MET: variants seen among roughly 807,000 people sequenced by gnomAD.
The protein encoded by MET is MET proto-oncogene, receptor tyrosine kinase.
In MET, 48 loss-of-function variants were observed where a neutral mutation model predicts 133.1. That is an observed-to-expected ratio of 0.36 (90% CI 0.29 to 0.46). MET has a LOEUF of 0.46. MET is among the 20% of genes least tolerant of loss of function. MET has a pLI of 1.00. For missense variants in MET, 1,442 were observed against 1,695.9 expected (o/e 0.85, Z 2.63); for synonymous variants, 628 against 616.5 (o/e 1.02, Z -0.28).
intron 1 of MET, among the ~76,000 whole-genome samples, chr7:116,685,272 T>C (rs38847): frequency 0.97 from 147,087 of 152,296 alleles, 71,067 homozygotes; most frequent in East Asian, 1. Context: ...CTTTTCATGA[T>C]GTCTACATGC....
At chr7:116,741,100 T>A (rs553431706) in intron 5 of MET, 75 bp downstream of exon 5, 2 of 1,545,084 alleles carry the variant, frequency 1.3e-6, no homozygotes, top group South Asian at 2.4e-5. Context: ...GTTTGGTTTG[T>A]TTTTTGTTTT....
chr7:116,779,436 G>A (rs529724400), intron 17 of MET, among the ~76,000 whole-genome samples: 2 of 152,262 alleles, frequency 1.3e-5, no homozygotes, highest in South Asian at 2.1e-4. Flanking sequence ...AAATAGCCAC[G>A]TATCTCACTT....
At chr7:116,750,549 A>G (rs1793876716) in intron 5 of MET, among the ~76,000 whole-genome samples, 1 of 152,246 alleles carries the variant, frequency 6.6e-6, no homozygotes, top group Non-Finnish European at 1.5e-5. Flanking sequence ...TAAAACACCA[A>G]AAGCAATGGC....
chr7:116,740,395 G>A (rs1028208514), intron 4 of MET, among the ~76,000 whole-genome samples: 8 of 152,104 alleles, frequency 5.3e-5, no homozygotes, highest in Admixed American at 5.2e-4. Flanking sequence ...GATAAATCCT[G>A]GAAATGTACA....
chr7:116,720,961 T>C (rs1445653912), intron 2 of MET, among the ~76,000 whole-genome samples: 2 of 150,982 alleles, frequency 1.3e-5, no homozygotes, highest in East Asian at 3.9e-4. Flanking sequence ...TTTGGTTGTG[T>C]CTCTGCCCAG....
chr7:116,740,256 C>G (rs1409336181), intron 4 of MET, 172 bp downstream of exon 4: 1 of 795,022 alleles, frequency 1.3e-6, no homozygotes, highest in Non-Finnish European at 2.1e-6. Flanking sequence ...TTAATTTGTT[C>G]TCCAAGAAAG....
At chr7:116,752,924 A>G (rs1562918213) in intron 5 of MET, among the ~76,000 whole-genome samples, 1 of 152,172 alleles carries the variant, frequency 6.6e-6, no homozygotes, top group Non-Finnish European at 1.5e-5. Flanking sequence ...CTCAGGCTGA[A>G]GAGAGTCCTG....
chr7:116,689,559 CTTTTTTTTTTT>C (rs534819031), intron 1 of MET, among the ~76,000 whole-genome samples: 2 of 94,812 alleles, frequency 2.1e-5, no homozygotes, highest in Non-Finnish European at 2.0e-5. Flanking sequence ...TGGGCTTACT[CTTTTTTTTTTT>C]TTTTTTTTTT....
chr7:116,700,290 T>A lies in MET; in HGVS notation c.1200+6T>A. 1 of 1,600,484 alleles carries A rather than the reference T, an allele frequency of 6.2e-7. No homozygotes were observed. The highest frequency in any genetic ancestry group is 8.5e-7 in the Non-Finnish European group (1 of 1,178,614). ...ATGAGCACTGCTTTAATAGGGTAAG[T>A]CACATCAGTTCCCCACTTATAAACT... is the stretch of plus-strand genomic sequence containing the variant. On this transcript the variant is annotated splice_donor_region_variant and intron_variant, in intron 2 of 20. Transcript: ENST00000397752.
chr7:116,701,296 C>T (rs1791567348), intron 2 of MET, among the ~76,000 whole-genome samples: 1 of 152,110 alleles, frequency 6.6e-6, no homozygotes, highest in Admixed American at 6.6e-5. Context: ...TTGACTTTGG[C>T]ATGGTATGTT....
intron 4 of MET, among the ~76,000 whole-genome samples, 193 bp from the exon 5 acceptor site, chr7:116,740,659 A>G (rs1562909309): frequency 6.6e-6 from 1 of 152,226 alleles, no homozygotes; most frequent in East Asian, 1.9e-4. Flanking sequence ...CATACCTGCT[A>G]ACAATAAAGG....
In MET at chr7:116,675,791, T is replaced by A. The variant is rs182796812; in HGVS notation, c.-15+3214T>A. ...TAATTTCTTTTCTTTTCTTTTTTTC[T>A]TTTCTTTGTAGTGAGACATACCGAG... is the stretch of plus-strand genomic sequence containing the variant. On this transcript the variant is annotated intron_variant, in intron 1 of 20. Coordinates refer to ENST00000397752, the MANE Select transcript of MET (RefSeq NM_000245.4). Among the ~76,000 whole-genome samples the A allele has an allele frequency of 3.4e-3, 519 of 152,174 alleles. 2 individuals are homozygous for A. The highest frequency in any genetic ancestry group is 0.012 in the African/African-American group (495 of 41,502).
intron 2 of MET, among the ~76,000 whole-genome samples, chr7:116,716,860 G>A (rs1352560909): frequency 6.6e-6 from 1 of 152,212 alleles, no homozygotes; most frequent in East Asian, 1.9e-4. Flanking sequence ...CCGGATGCCT[G>A]CTTATGCTGT....
At chr7:116,744,706 C>G (rs1441608528) in intron 5 of MET, among the ~76,000 whole-genome samples, 2 of 152,134 alleles carry the variant, frequency 1.3e-5, no homozygotes, top group African/African-American at 2.4e-5. Context: ...AAAGATACTC[C>G]TCTAGAAGAG....
intron 2 of MET, among the ~76,000 whole-genome samples, chr7:116,703,876 G>A (rs1791673041): frequency 6.6e-6 from 1 of 152,102 alleles, no homozygotes; most frequent in Non-Finnish European, 1.5e-5. Context: ...AATTAGAAAA[G>A]CATTCTTGAA....
At chr7:116,724,983 C>A in intron 2 of MET, 1 of 660,172 alleles carries the variant, frequency 1.5e-6, no homozygotes, top group Non-Finnish European at 2.2e-6. Context: ...GGTCATGCAA[C>A]TCATCAATGC....
intron 1 of MET, among the ~76,000 whole-genome samples, chr7:116,692,815 A>C (rs1796819996): frequency 6.6e-6 from 1 of 152,238 alleles, no homozygotes; most frequent in Non-Finnish European, 1.5e-5. Flanking sequence ...TGGATGATTC[A>C]CTTTCACCTG....
At position 116,783,454 on chromosome 7, in the gene MET, C is replaced by T. The variant is rs1795213981; in HGVS notation, c.3783C>T (p.Thr1261=). Residue 1261 remains threonine, a synonymous_variant, in exon 19 of 21, where the codon ACC becomes ACT. Transcript: ENST00000397752. ...ALESLQTQKF[T]TKSDVWSFGV... The stretch of plus-strand genomic sequence containing the variant: ...AAAGTCTGCAAACTCAAAAGTTTAC[C>T]ACCAAGTCAGATGTGGTAATGTATT... 6.2e-7 allele frequency: 1 copy of T among 1,613,996 alleles called. No individual in the cohort carries two copies. Among genetic ancestry groups the T allele is most frequent in the African/African-American group, 1.3e-5 (1 of 74,920 alleles).
chr7:116,685,199 C>T (rs1796505586), intron 1 of MET, among the ~76,000 whole-genome samples: 1 of 152,230 alleles, frequency 6.6e-6, no homozygotes, highest in Non-Finnish European at 1.5e-5. Context: ...GGCGCCATCA[C>T]TCAGTCCTCC....
Sources: gnomAD v4.1 joint callset for allele counts (sites outside exome capture counted in the v4.1 genomes callset) on GRCh38, gnomAD v4.1.1 for gene constraint, MANE v1.5 for transcripts, NCBI Gene and HGNC (gene_info 2026-07-23, HGNC 2026-07-21) for gene names.